Variants in IL22RA2 observed in about 807,000 individuals in gnomAD.
The protein encoded by IL22RA2 is interleukin 22 receptor subunit alpha 2, also known as interleukin-22 receptor subunit alpha-2.
Under a neutral mutation model 30.7 loss-of-function variants are expected in IL22RA2, and 39 were observed. That is an observed-to-expected ratio of 1.27 (90% CI 0.98 to 1.66). The LOEUF is 1.66. Ranked by LOEUF, IL22RA2 falls within the 40% of genes most tolerant of loss-of-function variation. IL22RA2 has a pLI of 0.00. For synonymous variants in IL22RA2, 103 were observed against 105.0 expected, an observed-to-expected ratio of 0.98 and a Z score of 0.11; for missense variants, 315 against 312.7, an observed-to-expected ratio of 1.01 and a Z score of -0.05.
At position 137,143,911 on chromosome 6, in the gene IL22RA2, G is replaced by A. The variant is rs1306567823; in HGVS notation, c.*1713C>T. On this transcript the variant is annotated 3_prime_UTR_variant, in exon 7 of 7. Coordinates refer to ENST00000296980, the MANE Select transcript of IL22RA2 (RefSeq NM_052962.3). ...AATTATGATTTCCATAGAGTATTTT[G>A]CACTTGCCTAAGCACAAAAGCAAAA... 1.3e-5 allele frequency: 2 copies of A among 152,146 alleles called. No individual in the cohort carries two copies. Among genetic ancestry groups the A allele is most frequent in the Non-Finnish European group, 2.9e-5 (2 of 68,028 alleles). 9.4% of individuals were successfully genotyped at this position (152,146 alleles called of 1,614,324 possible).
intron 2 of IL22RA2, among the ~76,000 whole-genome samples, chr6:137,158,799 A>G (rs959762598): frequency 3.3e-5 from 5 of 152,226 alleles, no homozygotes; most frequent in African/African-American, 1.2e-4. Flanking sequence ...TAGTGATGGA[A>G]TATAATGACT....
Position 137,144,173 on chromosome 6 carries a change from G to T in IL22RA2, c.*1451C>A, listed in dbSNP as rs575819254. The stretch of plus-strand genomic sequence containing the variant: ...GTAGTAAGCAAAATATAAATAATAA[G>T]AATTCAAAAACAGAGATCAAAGTAA... On this transcript the variant is annotated 3_prime_UTR_variant, in exon 7 of 7. Coordinates refer to ENST00000296980, the MANE Select transcript of IL22RA2 (RefSeq NM_052962.3). 1 of 152,232 alleles carries T rather than the reference G, an allele frequency of 6.6e-6. No homozygotes were observed. The highest frequency in any genetic ancestry group is 2.1e-4 in the South Asian group (1 of 4,820). The allele number at this position is 152,232 out of a possible 1,614,324, so 9.4% of individuals were successfully genotyped here.
intron 1 of IL22RA2, among the ~76,000 whole-genome samples, chr6:137,166,024 G>T (rs1778619424): frequency 2.0e-5 from 3 of 152,226 alleles, no homozygotes; most frequent in African/African-American, 7.2e-5. Flanking sequence ...AGCCCCCATT[G>T]TGTGGCCCAG....
At chr6:137,171,761 A>G (rs891084202) in intron 1 of IL22RA2, among the ~76,000 whole-genome samples, 3 of 152,208 alleles carry the variant, frequency 2.0e-5, no homozygotes, top group Admixed American at 6.5e-5. Context: ...GGCCACTATC[A>G]ATTTTCATTT....
intron 5 of IL22RA2, among the ~76,000 whole-genome samples, chr6:137,149,954 C>T (rs920239225): frequency 2.6e-4 from 40 of 152,234 alleles, no homozygotes; most frequent in African/African-American, 8.9e-4. Context: ...GCTGGGATTA[C>T]AGGCATGGAG....
In IL22RA2 at chr6:137,170,360, G is replaced by A. The variant is rs533639442; in HGVS notation, c.-66+3053C>T. 4.4e-4 allele frequency among the ~76,000 whole-genome samples: 67 copies of A among 152,068 alleles called. No homozygotes were observed. The South Asian group carries it at 0.013, about 28-fold the overall frequency. ...AATGTGACCCCTGCCTTACATTCACGTTAAAAGGGAATATTAACAGCCTGT... is the reference window on the plus strand; with the variant it reads ...AATGTGACCCCTGCCTTACATTCACATTAAAAGGGAATATTAACAGCCTGT... On this transcript the variant is annotated intron_variant, in intron 1 of 6. Transcript: ENST00000296980.
rs1362700027 is a variant in IL22RA2, at chr6:137,144,964, G to T, written c.*660C>A. 1 of 151,980 alleles carries T rather than the reference G, an allele frequency of 6.6e-6. No homozygotes were observed. The highest frequency in any genetic ancestry group is 1.5e-5 in the Non-Finnish European group (1 of 67,994). 9.4% of individuals were successfully genotyped at this position (151,980 alleles called of 1,614,324 possible). ...ATTGTACAGAGCAGACTTCCTTGTT[G>T]TTGATAGTTTTAATTCAGATATCAA... On this transcript the variant is annotated 3_prime_UTR_variant, in exon 7 of 7. Coordinates refer to ENST00000296980, the MANE Select transcript of IL22RA2 (RefSeq NM_052962.3).
chr6:137,167,639 T>C (rs977563105), intron 1 of IL22RA2, among the ~76,000 whole-genome samples: 1 of 152,328 alleles, frequency 6.6e-6, no homozygotes, highest in South Asian at 2.1e-4. Flanking sequence ...CTACTCCCAC[T>C]GCTGTTAAAG....
At chr6:137,170,514 T>C (rs1778712127) in intron 1 of IL22RA2, among the ~76,000 whole-genome samples, 1 of 152,152 alleles carries the variant, frequency 6.6e-6, no homozygotes, top group African/African-American at 2.4e-5. Context: ...CTGCAAGACA[T>C]GTCTTTCTCA....
chr6:137,156,236 T>TGATGGTGGG (rs1778404082), intron 4 of IL22RA2, among the ~76,000 whole-genome samples: 1 of 152,130 alleles, frequency 6.6e-6, no homozygotes, highest in African/African-American at 2.4e-5. Context: ...ATCAGACCAA[T>TGATGGTGGG]GTAACAAAGT....
At chr6:137,157,527 C>A (rs181173247) in intron 3 of IL22RA2, among the ~76,000 whole-genome samples, 46 of 152,242 alleles carry the variant, frequency 3.0e-4, no homozygotes, top group Non-Finnish European at 6.0e-4. Flanking sequence ...CTACCCCATG[C>A]TGGAGAGACA....
At chr6:137,161,573 A>C (rs1292945799) in intron 2 of IL22RA2, 116 bp downstream of exon 2, 1 of 784,530 alleles carries the variant, frequency 1.3e-6, no homozygotes, top group East Asian at 2.7e-5. Flanking sequence ...ATTTAGTGAC[A>C]TCAAAAGCTG....
intron 5 of IL22RA2, among the ~76,000 whole-genome samples, chr6:137,150,365 C>A (rs1166997861): frequency 6.6e-6 from 1 of 151,918 alleles, no homozygotes; most frequent in Non-Finnish European, 1.5e-5. Context: ...ACTATTGCAT[C>A]AACAAGAGTA....
rs910717317 is a variant in IL22RA2, at chr6:137,155,244, C to T, written c.294-125G>A. ...AATACCACCATGATAGCTTATGGCT[C>T]CTCTTCAGAATCTTTAAAAAAATTC... On this transcript the variant is annotated intron_variant, in intron 4 of 6. Coordinates refer to ENST00000296980, the MANE Select transcript of IL22RA2 (RefSeq NM_052962.3). 3.6e-5 allele frequency: 23 copies of T among 639,808 alleles called. No homozygotes were observed. The Middle Eastern group carries it at 8.1e-4, about 22-fold the overall frequency. The allele number at this position is 639,808 out of a possible 1,614,324, so 39.6% of individuals were successfully genotyped here. A position where few individuals can be genotyped will look rare whatever the true frequency, so the allele number is the denominator to read the frequency against.
rs1230242526 is a variant in IL22RA2, at chr6:137,145,637, ACACAT to A, written c.774_778del (p.Arg258SerfsTer18). 1 of 1,607,406 alleles carries A rather than the reference ACACAT, an allele frequency of 6.2e-7. No homozygotes were observed. Among genetic ancestry groups the A allele is most frequent in the Non-Finnish European group, 8.5e-7 (1 of 1,176,760 alleles). The stretch of plus-strand genomic sequence containing the variant: ...AAATTCCACAAGTCATGGAATTTCC[ACACAT>A]CTCTCTTCACTTCTCTGACTTCTTC... On this transcript the variant is annotated frameshift_variant, in exon 7 of 7. Coordinates refer to ENST00000296980, the MANE Select transcript of IL22RA2 (RefSeq NM_052962.3). LOFTEE classifies it high-confidence loss of function.
Position 137,161,770 on chromosome 6 carries a change from A to G in IL22RA2, c.-21T>C. 6.2e-7 allele frequency: 1 copy of G among 1,606,370 alleles called. No homozygotes were observed. Among genetic ancestry groups the G allele is most frequent in the Non-Finnish European group, 8.5e-7 (1 of 1,173,874 alleles). Reference sequence around the variant, plus strand: ...ATCATGGTTGCAAGTGTGACTGTTCAGGCAACCAGTGTTCCTTTTAACCAG... The same window carrying G: ...ATCATGGTTGCAAGTGTGACTGTTCGGGCAACCAGTGTTCCTTTTAACCAG... On this transcript the variant is annotated 5_prime_UTR_variant, in exon 2 of 7. Transcript: ENST00000296980.
chr6:137,152,736 A>G (rs1264318702), intron 5 of IL22RA2, among the ~76,000 whole-genome samples: 1 of 152,214 alleles, frequency 6.6e-6, no homozygotes, highest in Non-Finnish European at 1.5e-5. Flanking sequence ...AGGCTGTTTA[A>G]AAAAATCTAA....
chr6:137,165,707 A>C (rs2114391826), intron 1 of IL22RA2, among the ~76,000 whole-genome samples: 2 of 152,296 alleles, frequency 1.3e-5, no homozygotes, highest in South Asian at 4.1e-4. Context: ...CCTTGTTAGG[A>C]AGAGATTTCC....
At chr6:137,148,011 C>T in intron 5 of IL22RA2, 120 bp from the exon 6 acceptor site, 1 of 823,836 alleles carries the variant, frequency 1.2e-6, no homozygotes, top group Non-Finnish European at 2.0e-6. Context: ...GAGGCCGAGG[C>T]TGCAGTGAGC....
Sources: allele counts gnomAD v4.1 joint callset (sites outside exome capture counted in the v4.1 genomes callset), GRCh38; gene constraint gnomAD v4.1.1; transcripts MANE v1.5; gene names NCBI Gene and HGNC (gene_info 2026-07-23, HGNC 2026-07-21).